CYP2C19: variants seen among roughly 807,000 people sequenced by gnomAD.
The protein encoded by CYP2C19 is cytochrome P450 family 2 subfamily C member 19.
A neutral mutation model predicts 40.9 loss-of-function variants in CYP2C19; 59 were observed. The ratio of observed to expected loss-of-function variants is 1.44; its 90% CI spans 1.17 to 1.79. The LOEUF is 1.79. CYP2C19 is among the 40% of genes most tolerant of loss of function. The probability of loss-of-function intolerance (pLI) is 0.00; values close to 1 mark genes in which losing one functional copy is unlikely to be tolerated. For missense variants in CYP2C19, 754 were observed against 596.9 expected (o/e 1.26, Z -2.74); for synonymous variants, 253 against 208.7 (o/e 1.21, Z -1.83).
At chr10:94,800,684 C>A (rs1481881137) in intron 5 of CYP2C19, among the ~76,000 whole-genome samples, 4 of 152,222 alleles carry the variant, frequency 2.6e-5, no homozygotes, top group East Asian at 3.8e-4. Flanking sequence ...CCAGTTCAAG[C>A]TTCCCAGCCC....
At chr10:94,823,743 A>C (rs988794551) in intron 6 of CYP2C19, among the ~76,000 whole-genome samples, 2 of 152,220 alleles carry the variant, frequency 1.3e-5, no homozygotes, top group African/African-American at 4.8e-5. Context: ...GTGTGTTTTC[A>C]GACTTGCACA....
chr10:94,820,935 G>C (rs922334564), intron 6 of CYP2C19, among the ~76,000 whole-genome samples: 1 of 151,952 alleles, frequency 6.6e-6, no homozygotes, highest in East Asian at 1.9e-4. Flanking sequence ...AATACAAAAC[G>C]TAGCCGGGCA....
rs545765847 is a variant in CYP2C19, at chr10:94,820,491, C to T, written c.820-5C>T. 1.9e-6 allele frequency: 3 copies of T among 1,613,986 alleles called. No individual in the cohort carries two copies. The highest frequency in any genetic ancestry group is 2.7e-5 in the African/African-American group (2 of 75,020). ...TGTCAGATAATTGCATCAAATCATT[C>T]CTAGGAAAAGCAAAACCAACAGTCT... is the stretch of plus-strand genomic sequence containing the variant. On this transcript the variant is annotated splice_polypyrimidine_tract_variant and splice_region_variant and intron_variant, in intron 5 of 8. Transcript: ENST00000371321.
intron 6 of CYP2C19, among the ~76,000 whole-genome samples, chr10:94,825,110 T>C (rs1261922283): frequency 7.2e-6 from 1 of 138,122 alleles, no homozygotes; most frequent in African/African-American, 2.8e-5. Flanking sequence ...AATGCCGCAA[T>C]AAACATACGT....
At chr10:94,832,274 G>T (rs1164104152) in intron 6 of CYP2C19, among the ~76,000 whole-genome samples, 2 of 152,216 alleles carry the variant, frequency 1.3e-5, no homozygotes, top group African/African-American at 4.8e-5. Flanking sequence ...TGGACTCACA[G>T]TTCCACATGG....
At chr10:94,810,604 T>C (rs532747348) in intron 5 of CYP2C19, among the ~76,000 whole-genome samples, 1 of 152,224 alleles carries the variant, frequency 6.6e-6, no homozygotes, top group East Asian at 1.9e-4. Context: ...TTCTTCCTGG[T>C]TTGGTCTTGG....
chr10:94,809,029 G>A (rs537152540), intron 5 of CYP2C19, among the ~76,000 whole-genome samples: 1 of 152,182 alleles, frequency 6.6e-6, no homozygotes, highest in South Asian at 2.1e-4. Flanking sequence ...CATAGTAATT[G>A]TATGAATTTA....
At chr10:94,786,986 C>A (rs1848551184) in intron 5 of CYP2C19, among the ~76,000 whole-genome samples, 1 of 152,014 alleles carries the variant, frequency 6.6e-6, no homozygotes, top group African/African-American at 2.4e-5. Context: ...TTTGGTATAA[C>A]AATTTGTTTT....
chr10:94,798,202 A>G (rs928762701), intron 5 of CYP2C19, among the ~76,000 whole-genome samples: 3 of 152,018 alleles, frequency 2.0e-5, no homozygotes, highest in Admixed American at 6.6e-5. Flanking sequence ...GTTTGTTCTC[A>G]TTGGTTTCAA....
chr10:94,778,755 A>G (rs1251293570), intron 3 of CYP2C19, among the ~76,000 whole-genome samples: 1 of 152,196 alleles, frequency 6.6e-6, no homozygotes, highest in African/African-American at 2.4e-5. Context: ...TAGCAATCCC[A>G]TTACTGGGTA....
At chr10:94,826,028 G>A (rs1350503925) in intron 6 of CYP2C19, among the ~76,000 whole-genome samples, 1 of 149,596 alleles carries the variant, frequency 6.7e-6, no homozygotes, top group Non-Finnish European at 1.5e-5. Context: ...TCTCTGTTTT[G>A]GTACCAGTAC....
At chr10:94,827,123 C>A (rs373331651) in intron 6 of CYP2C19, among the ~76,000 whole-genome samples, 4,720 of 151,576 alleles carry the variant, frequency 0.031, 121 homozygotes, top group Middle Eastern at 0.13. Flanking sequence ...CTAAAATTCT[C>A]TTTTTTGGTT....
intron 5 of CYP2C19, among the ~76,000 whole-genome samples, chr10:94,810,940 G>A (rs1290382042): frequency 3.3e-5 from 5 of 152,090 alleles, no homozygotes; most frequent in Non-Finnish European, 5.9e-5. Flanking sequence ...GAATTTGTTT[G>A]CTCTTGGTTT....
At chr10:94,849,658 A>T (rs1028311107) in intron 7 of CYP2C19, among the ~76,000 whole-genome samples, 1 of 120,026 alleles carries the variant, frequency 8.3e-6, no homozygotes, top group Non-Finnish European at 1.6e-5. Context: ...CAGTCCCCGA[A>T]GTGTGATGTT....
chr10:94,801,774 C>T (rs1686603449), intron 5 of CYP2C19, among the ~76,000 whole-genome samples: 2 of 152,188 alleles, frequency 1.3e-5, no homozygotes, highest in Admixed American at 1.3e-4. Flanking sequence ...CTGGATGCCC[C>T]TGTATTGGGT....
intron 6 of CYP2C19, among the ~76,000 whole-genome samples, chr10:94,836,933 T>C (rs893605447): frequency 1.3e-5 from 2 of 150,732 alleles, no homozygotes; most frequent in East Asian, 3.9e-4. Context: ...GCCAAATAGA[T>C]GGGGGCTATC....
chr10:94,794,808 G>A (rs1848659229), intron 5 of CYP2C19, among the ~76,000 whole-genome samples: 1 of 152,006 alleles, frequency 6.6e-6, no homozygotes, highest in Admixed American at 6.6e-5. Context: ...TTTGGGCTGA[G>A]ACGATGGTTT....
chr10:94,782,059 T>C, intron 5 of CYP2C19, 62 bp downstream of exon 5: 1 of 1,406,562 alleles, frequency 7.1e-7, no homozygotes, highest in Non-Finnish European at 9.6e-7. Flanking sequence ...CATTGACTAG[T>C]TTTGTGTTTA....
chr10:94,782,124 T>C (rs1589349810), intron 5 of CYP2C19, 127 bp downstream of exon 5: 2 of 653,516 alleles, frequency 3.1e-6, no homozygotes, highest in Non-Finnish European at 4.9e-6. Context: ...TTTAAGTTTT[T>C]ATTGTATGCA....
Sources: gnomAD v4.1 joint callset for allele counts (sites outside exome capture counted in the v4.1 genomes callset) on GRCh38, gnomAD v4.1.1 for gene constraint, MANE v1.5 for transcripts, NCBI Gene and HGNC (gene_info 2026-07-23, HGNC 2026-07-21) for gene names.